ZNF583: variants seen among roughly 807,000 people sequenced by gnomAD.
The protein encoded by ZNF583 is zinc finger protein L3-5.
Under a neutral mutation model 55.3 loss-of-function variants are expected in ZNF583, and 30 were observed. The observed-to-expected ratio is 0.54, with a 90% confidence interval of 0.41 to 0.74. The LOEUF is 0.74. Among genes scored for constraint, ZNF583 ranks in the 30% least tolerant of loss-of-function variants. The pLI is 0.00. For missense variants in ZNF583, 504 were observed against 664.7 expected, an observed-to-expected ratio of 0.76 and a Z score of 2.66; for synonymous variants, 208 against 220.0, an observed-to-expected ratio of 0.95 and a Z score of 0.48.
intron 4 of ZNF583, among the ~76,000 whole-genome samples, chr19:56,417,408 A>T (rs2042344469): frequency 6.6e-6 from 1 of 152,132 alleles, no homozygotes; most frequent in Non-Finnish European, 1.5e-5. Flanking sequence ...TTTAATATGC[A>T]TTTCTGGAAT....
intron 4 of ZNF583, among the ~76,000 whole-genome samples, chr19:56,418,468 A>G (rs1188650934): frequency 1.3e-5 from 2 of 152,210 alleles, no homozygotes. Context: ...TATCCAGTGT[A>G]GTGGTACTCT....
In ZNF583 at chr19:56,407,504, A is replaced by T. The variant is rs115242721; in HGVS notation, c.9+381A>T. Reference sequence around the variant, plus strand: ...TTTCCATAGACCTAGGTTTGAAAAGAAGGCAAGACAGGAGGGTTATCAGGT... The same window carrying T: ...TTTCCATAGACCTAGGTTTGAAAAGTAGGCAAGACAGGAGGGTTATCAGGT... On this transcript the variant is annotated intron_variant, in intron 2 of 4. Transcript: ENST00000333201. Among the ~76,000 whole-genome samples, 648 of 152,368 alleles carry T rather than the reference A, an allele frequency of 4.3e-3. 5 individuals are homozygous for T. Among genetic ancestry groups the T allele is most frequent in the African/African-American group, 0.015 (622 of 41,588 alleles).
intron 4 of ZNF583, chr19:56,414,667 C>T: frequency 2.2e-6 from 1 of 456,398 alleles, no homozygotes; most frequent in Non-Finnish European, 3.9e-6. Context: ...TCTGATAACC[C>T]ATTTTCCTAT....
At position 56,424,189 on chromosome 19, in the gene ZNF583, C is replaced by T. The variant is rs1195842340; in HGVS notation, c.1531C>T (p.Gln511Ter). 1 of 1,613,720 alleles carries T rather than the reference C, an allele frequency of 6.2e-7. No individual in the cohort carries two copies. The highest frequency in any genetic ancestry group is 8.5e-7 in the Non-Finnish European group (1 of 1,179,936). The stretch of plus-strand genomic sequence containing the variant: ...CTATAGTGGATCTCTTACTCTACAT[C>T]AGAGAATTCATACTGGAGAAAGACC... ...FSYSGSLTLH[Q>*]RIHTGERPYE... Residue 511 changes from glutamine (Q) to a stop codon, truncating the protein, a stop_gained, in exon 5 of 5, where the codon CAG becomes TAG. Coordinates refer to ENST00000333201, the MANE Select transcript of ZNF583 (RefSeq NM_152478.3). LOFTEE classifies it high-confidence loss of function.
intron 2 of ZNF583, among the ~76,000 whole-genome samples, chr19:56,408,539 A>T (rs559533531): frequency 1.3e-5 from 2 of 152,218 alleles, no homozygotes; most frequent in African/African-American, 4.8e-5. Context: ...GAAGATAATT[A>T]TGGGTGATCT....
rs1354827817 is a variant in ZNF583 at position 56,424,511 on chromosome 19, T to C, written c.*143T>C. 3.7e-6 allele frequency: 2 copies of C among 535,848 alleles called. No individual in the cohort carries two copies. Among genetic ancestry groups the C allele is most frequent in the East Asian group, 5.9e-5 (2 of 34,106 alleles). The allele number at this position is 535,848 out of a possible 1,614,324, so 33.2% of individuals were successfully genotyped here. ...CCATTGTCTCTGTCAGATGTCCACA[T>C]TGCAACCAAATTTGTATTTTTAAAA... is the stretch of plus-strand genomic sequence containing the variant. On this transcript the variant is annotated 3_prime_UTR_variant, in exon 5 of 5. Transcript: ENST00000333201.
At chr19:56,414,484 A>G in intron 4 of ZNF583, 44 bp downstream of exon 4, 6 of 1,550,762 alleles carry the variant, frequency 3.9e-6, no homozygotes, top group Non-Finnish European at 5.3e-6. Context: ...TTGCCAGGAA[A>G]AGCTCAGCAA....
Position 56,414,446 on chromosome 19 carries a change from TGAGA to T in ZNF583, c.232+11_232+14del. On this transcript the variant is annotated splice_region_variant and intron_variant, in intron 4 of 4. Coordinates refer to ENST00000333201, the MANE Select transcript of ZNF583 (RefSeq NM_152478.3). ...AACAAGAGGCCCATGCCCTGGTGAG[TGAGA>T]GAGAAATAGGGAGACAGAAGCCATT... 1 of 1,611,830 alleles carries T rather than the reference TGAGA, an allele frequency of 6.2e-7. No individual in the cohort carries two copies. Among genetic ancestry groups the T allele is most frequent in the South Asian group, 1.1e-5 (1 of 90,806 alleles).
intron 2 of ZNF583, among the ~76,000 whole-genome samples, chr19:56,407,842 A>G (rs1418048109): frequency 2.0e-5 from 3 of 152,236 alleles, no homozygotes; most frequent in African/African-American, 7.2e-5. Flanking sequence ...AAAGCTGTAT[A>G]TGTCTATAAT....
At chr19:56,411,124 CAAAA>C (rs36007598) in intron 2 of ZNF583, among the ~76,000 whole-genome samples, 1 of 135,564 alleles carries the variant, frequency 7.4e-6, no homozygotes, top group Non-Finnish European at 1.6e-5. Flanking sequence ...TCATCTGTAC[CAAAA>C]AAAAAAAAAA....
rs1199948632 is a variant in ZNF583 at position 56,426,351 on chromosome 19, ACT to A, written c.*1986_*1987del. 2.6e-5 allele frequency: 4 copies of A among 152,106 alleles called. No individual in the cohort carries two copies. The East Asian group carries it at 5.8e-4, about 22-fold the overall frequency. 9.4% of individuals were successfully genotyped at this position (152,106 alleles called of 1,614,324 possible). A position where few individuals can be genotyped will look rare whatever the true frequency, so the allele number is the denominator to read the frequency against. The stretch of plus-strand genomic sequence containing the variant: ...CAGTGATTAGAGGAGTCTGTGACAC[ACT>A]CTAATCATGGAATGAGACTGGCCTT... On this transcript the variant is annotated 3_prime_UTR_variant, in exon 5 of 5. Coordinates refer to ENST00000333201, the MANE Select transcript of ZNF583 (RefSeq NM_152478.3).
intron 2 of ZNF583, among the ~76,000 whole-genome samples, chr19:56,410,967 T>A (rs1600357194): frequency 1.3e-5 from 2 of 151,874 alleles, no homozygotes; most frequent in East Asian, 3.9e-4. Flanking sequence ...GACTTCCAAT[T>A]CTTTAACTTA....
intron 2 of ZNF583, 67 bp downstream of exon 2, chr19:56,407,190 G>T (rs1231333154): frequency 2.5e-6 from 4 of 1,592,398 alleles, no homozygotes; most frequent in South Asian, 1.1e-5. Context: ...CGAACATTTT[G>T]TTTTTCTTCC....
intron 4 of ZNF583, among the ~76,000 whole-genome samples, chr19:56,420,043 T>C (rs1032332361): frequency 6.6e-6 from 1 of 152,216 alleles, no homozygotes; most frequent in South Asian, 2.1e-4. Context: ...TTTAGACTTT[T>C]AGTTGTTTTC....
At chr19:56,405,230 A>C (rs533354489) in intron 1 of ZNF583, among the ~76,000 whole-genome samples, 164 of 152,204 alleles carry the variant, frequency 1.1e-3, no homozygotes, top group African/African-American at 3.9e-3. Context: ...GAGATTGTGC[A>C]TGACAGTGTG....
intron 2 of ZNF583, among the ~76,000 whole-genome samples, chr19:56,409,478 A>G (rs1193100907): frequency 1.5e-4 from 23 of 151,502 alleles, no homozygotes; most frequent in Non-Finnish European, 1.2e-4. Context: ...CTAAGAAAAC[A>G]CATTTTTATT....
At chr19:56,408,294 A>C (rs2042185505) in intron 2 of ZNF583, among the ~76,000 whole-genome samples, 1 of 152,236 alleles carries the variant, frequency 6.6e-6, no homozygotes, top group Non-Finnish European at 1.5e-5. Flanking sequence ...TGCAGAAATC[A>C]ACTAGTACAG....
Position 56,423,151 on chromosome 19 carries a change from T to C in ZNF583, c.493T>C (p.Phe165Leu). 1 of 1,612,774 alleles carries C rather than the reference T, an allele frequency of 6.2e-7. No individual in the cohort carries two copies. The highest frequency in any genetic ancestry group is 1.3e-5 in the African/African-American group (1 of 74,910). The stretch of plus-strand genomic sequence containing the variant: ...AGAATATAACAAATCTTGGCAAACA[T>C]TCCACCAGGATACAATCTTTGATAT... Reference protein sequence around the residue: ...NKEYNKSWQTFHQDTIFDIQQ... With the variant: ...NKEYNKSWQTLHQDTIFDIQQ... Residue 165 changes from phenylalanine (F) to leucine (L), a missense_variant, in exon 5 of 5, where the codon TTC (phenylalanine) becomes CTC (leucine). This residue lies in a region of ZNF583 where 204 missense variants were observed against 235.2 expected (regional missense o/e 0.87). Coordinates refer to ENST00000333201, the MANE Select transcript of ZNF583 (RefSeq NM_152478.3).
chr19:56,404,186 T>C (rs1234740390), upstream of ZNF583: 1 of 152,482 alleles, frequency 6.6e-6, no homozygotes, highest in East Asian at 1.9e-4. This position sits in a 1 kb window ranked among gnomAD's most constrained non-coding sequence, Gnocchi z 5.2. Flanking sequence ...GGAGGTGGGC[T>C]TACTAGGGAA....
Sources: allele counts gnomAD v4.1 joint callset (sites outside exome capture counted in the v4.1 genomes callset), GRCh38; gene constraint gnomAD v4.1.1; regional missense constraint gnomAD v4.1.1; non-coding constraint Gnocchi (gnomAD v3.1); transcripts MANE v1.5; gene names NCBI Gene and HGNC (gene_info 2026-07-23, HGNC 2026-07-21).